The following MRPL57 variants were observed in gnomAD, a reference collection of about 807,000 sequenced individuals.
MRPL57 encodes the protein large ribosomal subunit protein mL63.
A neutral mutation model predicts 1.3 loss-of-function variants in MRPL57; 1 was observed. The ratio of observed to expected loss-of-function variants is 0.79; its 90% confidence interval spans 0.28 to 3.75. The LOEUF (loss-of-function observed/expected upper bound fraction) is 3.75, where lower values mean the gene tolerates loss of function less well. MRPL57 is among the 30% of genes most tolerant of loss of function. The pLI is 0.19. For synonymous variants in MRPL57, 79 were observed against 61.7 expected, an observed-to-expected ratio of 1.28 and a Z score of -1.31; for missense variants, 170 against 148.9, an observed-to-expected ratio of 1.14 and a Z score of -0.74.
In MRPL57 at chr13:21,176,931, G is replaced by C; in HGVS notation, c.15G>C (p.Ala5=). The C allele has an allele frequency of 1.2e-6, 2 of 1,609,140 alleles. No individual in the cohort carries two copies. The highest frequency in any genetic ancestry group is 1.7e-6 in the Non-Finnish European group (2 of 1,179,382). The part of the protein sequence containing the change: MFLT[A]LLWRGRIPGR... ...CCGCAGGCACCATGTTCCTGACTGC[G>C]CTCCTCTGGCGCGGCCGCATTCCCG... is the stretch of plus-strand genomic sequence containing the variant. Residue 5 remains alanine (A), a synonymous_variant, in exon 2 of 2, where the codon GCG becomes GCC. Coordinates refer to ENST00000309594, the MANE Select transcript of MRPL57 (RefSeq NM_024026.5).
At position 21,177,544 on chromosome 13, in the gene MRPL57, G is replaced by C. The variant is rs560407456; in HGVS notation, c.*319G>C. On this transcript the variant is annotated 3_prime_UTR_variant, in exon 2 of 2. Transcript: ENST00000309594. ...TGCTTAAGTATGAGATACTTGATGG[G>C]GGCTTTATCATGCAACATTAGTTTG... 13 of 341,396 alleles carry C rather than the reference G, an allele frequency of 3.8e-5. No homozygotes were observed. Among genetic ancestry groups the C allele is most frequent in the African/African-American group, 2.2e-4 (10 of 45,542 alleles). 21.1% of individuals were successfully genotyped at this position (341,396 alleles called of 1,614,324 possible). A position where few individuals can be genotyped will look rare whatever the true frequency, so the allele number is the denominator to read the frequency against.
chr13:21,178,432 T>A lies in MRPL57; in HGVS notation c.*1207T>A, dbSNP rs1871702562. 6.0e-6 allele frequency: 1 copy of A among 166,074 alleles called. No homozygotes were observed. Among genetic ancestry groups the A allele is most frequent in the South Asian group, 2.1e-4 (1 of 4,812 alleles). The allele number at this position is 166,074 out of a possible 1,614,324, so 10.3% of individuals were successfully genotyped here. On this transcript the variant is annotated 3_prime_UTR_variant, in exon 2 of 2. Coordinates refer to ENST00000309594, the MANE Select transcript of MRPL57 (RefSeq NM_024026.5). ...AGCCTGGGCGACAGAAAAAGAAAAT[T>A]TAGGTGGGGAAAAAAATCAGAATTG...
intron 1 of MRPL57, 66 bp from the exon 2 acceptor site, chr13:21,176,846 C>T (rs988843109): frequency 2.0e-5 from 31 of 1,525,422 alleles, no homozygotes; most frequent in African/African-American, 2.8e-5. Flanking sequence ...GAGCGCGCGC[C>T]CGCTGCTCTC....
At position 21,177,346 on chromosome 13, in the gene MRPL57, A is replaced by C; in HGVS notation, c.*121A>C. The C allele has an allele frequency of 9.7e-7, 1 of 1,026,646 alleles. No individual in the cohort carries two copies. Among genetic ancestry groups the C allele is most frequent in the South Asian group, 1.5e-5 (1 of 68,050 alleles). The allele number at this position is 1,026,646 out of a possible 1,614,324, so 63.6% of individuals were successfully genotyped here. A position where few individuals can be genotyped will look rare whatever the true frequency, so the allele number is the denominator to read the frequency against. Reference sequence around the variant, plus strand: ...CTTTGGACCAGTCTTTATTAAAACAAACAAACATGAGTAGTCTGCATATCG... The same window carrying C: ...CTTTGGACCAGTCTTTATTAAAACACACAAACATGAGTAGTCTGCATATCG... On this transcript the variant is annotated 3_prime_UTR_variant, in exon 2 of 2. Coordinates refer to ENST00000309594, the MANE Select transcript of MRPL57 (RefSeq NM_024026.5).
Position 21,179,061 on chromosome 13 carries a change from G to A in MRPL57, c.*1836G>A, listed in dbSNP as rs1463985739. 1.2e-5 allele frequency: 2 copies of A among 167,018 alleles called. No homozygotes were observed. Among genetic ancestry groups the A allele is most frequent in the Admixed American group, 1.3e-4 (2 of 15,274 alleles). 10.3% of individuals were successfully genotyped at this position (167,018 alleles called of 1,614,324 possible). On this transcript the variant is annotated 3_prime_UTR_variant, in exon 2 of 2. Coordinates refer to ENST00000309594, the MANE Select transcript of MRPL57 (RefSeq NM_024026.5). ...TACCAGTTGAAGATGTTCGCTTTCA[G>A]AATATAATAAAAATAGTCAAAAACT...
rs775668869 is a variant in MRPL57, at chr13:21,177,119, G to A, written c.203G>A (p.Arg68Lys). The A allele has an allele frequency of 2.7e-5, 43 of 1,613,850 alleles. No homozygotes were observed. Among genetic ancestry groups the A allele is most frequent in the Non-Finnish European group, 3.3e-5 (39 of 1,180,038 alleles). The change falls in exon 2 of 2, where the codon AGG becomes AAG. Residue 68 changes from arginine (R) to lysine (K), a missense_variant. By Grantham distance (26) the Arg-to-Lys change is conservative. Transcript: ENST00000309594. ...QERGHAAVRR[R>K]EAFEAIKAAA... is the part of the protein sequence containing the mutation. Reference sequence around the variant, plus strand: ...CGCGGCCACGCCGCGGTGCGCAGGAGGGAGGCCTTCGAGGCCATAAAGGCG... The same window carrying A: ...CGCGGCCACGCCGCGGTGCGCAGGAAGGAGGCCTTCGAGGCCATAAAGGCG...
At chr13:21,176,749 G>T in intron 1 of MRPL57, 32 bp downstream of exon 1, 1 of 739,638 alleles carries the variant, frequency 1.4e-6, no homozygotes, top group Non-Finnish European at 2.2e-6. Context: ...GTTCTCTAGG[G>T]AGCTCCTTCT....
rs1871727941 is a variant in MRPL57 at position 21,178,902 on chromosome 13, A to C, written c.*1677A>C. On this transcript the variant is annotated 3_prime_UTR_variant, in exon 2 of 2. Transcript: ENST00000309594. ...AGAATTGCTTGAACCCAGGTGGTGG[A>C]GGTTGCAGTGAGCTGAGATCGTGCC... 1 of 166,536 alleles carries C rather than the reference A, an allele frequency of 6.0e-6. No individual in the cohort carries two copies. Among genetic ancestry groups the C allele is most frequent in the African/African-American group, 2.4e-5 (1 of 41,454 alleles). The allele number at this position is 166,536 out of a possible 1,614,324, so 10.3% of individuals were successfully genotyped here.
At position 21,177,762 on chromosome 13, in the gene MRPL57, G is replaced by T. The variant is rs547983232; in HGVS notation, c.*537G>T. 1.1e-3 allele frequency: 184 copies of T among 170,490 alleles called. No homozygotes were observed. Among genetic ancestry groups the T allele is most frequent in the Non-Finnish European group, 2.0e-3 (138 of 70,678 alleles). The allele number at this position is 170,490 out of a possible 1,614,324, so 10.6% of individuals were successfully genotyped here. A position where few individuals can be genotyped will look rare whatever the true frequency, so the allele number is the denominator to read the frequency against. On this transcript the variant is annotated 3_prime_UTR_variant, in exon 2 of 2. Coordinates refer to ENST00000309594, the MANE Select transcript of MRPL57 (RefSeq NM_024026.5). ...AGGCGGGCGGATCACTTGAGGTCAGGAGTTCAAGACCAGCTTGGCCAAGGT... is the reference window on the plus strand; with the variant it reads ...AGGCGGGCGGATCACTTGAGGTCAGTAGTTCAAGACCAGCTTGGCCAAGGT...
Position 21,176,861 on chromosome 13 carries a change from G to A in MRPL57, c.-5-51G>A, listed in dbSNP as rs865905062. On this transcript the variant is annotated intron_variant, in intron 1 of 1. Transcript: ENST00000309594. ...GAGCGCGCGCCCGCTGCTCTCTCCAGGTCCGGCCGCGCCAGTTCGCCTCCG... is the reference window on the plus strand; with the variant it reads ...GAGCGCGCGCCCGCTGCTCTCTCCAAGTCCGGCCGCGCCAGTTCGCCTCCG... 44 of 1,576,802 alleles carry A rather than the reference G, an allele frequency of 2.8e-5. 2 individuals carry two copies. The South Asian group carries it at 4.8e-4, about 17-fold the overall frequency.
chr13:21,177,048 G>A lies in MRPL57; in HGVS notation c.132G>A (p.Glu44=). 6.2e-7 allele frequency: 1 copy of A among 1,613,722 alleles called. No homozygotes were observed. Among genetic ancestry groups the A allele is most frequent in the Non-Finnish European group, 8.5e-7 (1 of 1,180,026 alleles). ...NMIRRLEIEA[E]NHYWLSMPYM... is the part of the protein sequence containing the mutation. The stretch of plus-strand genomic sequence containing the variant: ...TCCGCCGCCTGGAGATCGAGGCGGA[G>A]AACCATTACTGGCTGAGCATGCCCT... Residue 44 remains glutamate, a synonymous_variant, in exon 2 of 2, where the codon GAG becomes GAA. Transcript: ENST00000309594.
rs1474946791 is a variant in MRPL57 at position 21,178,146 on chromosome 13, A to G, written c.*921A>G. On this transcript the variant is annotated 3_prime_UTR_variant, in exon 2 of 2. Coordinates refer to ENST00000309594, the MANE Select transcript of MRPL57 (RefSeq NM_024026.5). ...TAGCGAGACCCTATCTAAAATAACA[A>G]TAATATATGGCCAGGCGGGATGGCT... The G allele has an allele frequency of 1.2e-5, 2 of 162,838 alleles. No individual in the cohort carries two copies. 10.1% of individuals were successfully genotyped at this position (162,838 alleles called of 1,614,324 possible). A position where few individuals can be genotyped will look rare whatever the true frequency, so the allele number is the denominator to read the frequency against.
In MRPL57 at chr13:21,177,388, A is replaced by AC. The variant is rs1871642082; in HGVS notation, c.*163_*164insC. ...TGCATATCGAATATCTAGAGCTCTA[A>AC]ACCCCCAATACTTAAAAGTCTAATT... On this transcript the variant is annotated 3_prime_UTR_variant, in exon 2 of 2. Coordinates refer to ENST00000309594, the MANE Select transcript of MRPL57 (RefSeq NM_024026.5). The AC allele has an allele frequency of 6.6e-6, 4 of 604,052 alleles. No homozygotes were observed. The highest frequency in any genetic ancestry group is 1.1e-5 in the Non-Finnish European group (4 of 375,942). The allele number at this position is 604,052 out of a possible 1,614,324, so 37.4% of individuals were successfully genotyped here. A position where few individuals can be genotyped will look rare whatever the true frequency, so the allele number is the denominator to read the frequency against.
Position 21,178,500 on chromosome 13 carries a change from G to A in MRPL57, c.*1275G>A, listed in dbSNP as rs1871706208. 6.0e-6 allele frequency: 1 copy of A among 166,894 alleles called. No homozygotes were observed. The highest frequency in any genetic ancestry group is 1.5e-5 in the Non-Finnish European group (1 of 68,122). The allele number at this position is 166,894 out of a possible 1,614,324, so 10.3% of individuals were successfully genotyped here. A position where few individuals can be genotyped will look rare whatever the true frequency, so the allele number is the denominator to read the frequency against. On this transcript the variant is annotated 3_prime_UTR_variant, in exon 2 of 2. Transcript: ENST00000309594. ...ATAAAGGAGAAACCACTATTGACTG[G>A]GAAGACACACAAAGAACTTTGTCAA...
intron 1 of MRPL57, 55 bp downstream of exon 1, chr13:21,176,772 C>A: frequency 2.3e-6 from 2 of 880,996 alleles, no homozygotes; most frequent in Non-Finnish European, 3.4e-6. Flanking sequence ...GCCTGCTGGC[C>A]TTACCTGGGC....
chr13:21,177,397 T>G lies in MRPL57; in HGVS notation c.*172T>G. The G allele has an allele frequency of 9.5e-6, 6 of 631,024 alleles. No homozygotes were observed. Among genetic ancestry groups the G allele is most frequent in the Non-Finnish European group, 1.4e-5 (5 of 359,926 alleles). The allele number at this position is 631,024 out of a possible 1,614,324, so 39.1% of individuals were successfully genotyped here. On this transcript the variant is annotated 3_prime_UTR_variant, in exon 2 of 2. Coordinates refer to ENST00000309594, the MANE Select transcript of MRPL57 (RefSeq NM_024026.5). The stretch of plus-strand genomic sequence containing the variant: ...AATATCTAGAGCTCTAAACCCCCAA[T>G]ACTTAAAAGTCTAATTGCTGTCCTG...
In MRPL57 at chr13:21,179,076, A is replaced by G. The variant is rs536673971; in HGVS notation, c.*1851A>G. ...TTCGCTTTCAGAATATAATAAAAAT[A>G]GTCAAAAACTTTGTGTTTCTAAATA... is the stretch of plus-strand genomic sequence containing the variant. On this transcript the variant is annotated 3_prime_UTR_variant, in exon 2 of 2. Transcript: ENST00000309594. The G allele has an allele frequency of 6.0e-5, 10 of 167,244 alleles. No homozygotes were observed. The East Asian group carries it at 1.9e-3, about 32-fold the overall frequency. 10.4% of individuals were successfully genotyped at this position (167,244 alleles called of 1,614,324 possible).
intron 1 of MRPL57, 56 bp from the exon 2 acceptor site, chr13:21,176,856 C>T (rs1871587324): frequency 6.4e-7 from 1 of 1,569,728 alleles, no homozygotes; most frequent in South Asian, 1.1e-5. Context: ...CCGCTGCTCT[C>T]TCCAGGTCCG....
chr13:21,177,102 C>G lies in MRPL57; in HGVS notation c.186C>G (p.His62Gln), dbSNP rs371867311. 9 of 1,613,914 alleles carry G rather than the reference C, an allele frequency of 5.6e-6. No homozygotes were observed. In the South Asian group the frequency reaches 7.7e-5, roughly 14 times the overall value. ...TGACCCGGGAGCAGGAGCGCGGCCA[C>G]GCCGCGGTGCGCAGGAGGGAGGCCT... ...PYMTREQERG[H>Q]AAVRRREAFE... The change falls in exon 2 of 2, where the codon CAC becomes CAG. Residue 62 changes from histidine (H) to glutamine (Q), a missense_variant. By Grantham distance (24) the His-to-Gln change is conservative. Transcript: ENST00000309594.
Sources: allele counts gnomAD v4.1 joint callset, GRCh38; gene constraint gnomAD v4.1.1; transcripts MANE v1.5; gene names NCBI Gene and HGNC (gene_info 2026-07-23, HGNC 2026-07-21).